SLC3A2: variants seen among roughly 807,000 people sequenced by gnomAD.
SLC3A2 encodes solute carrier family 3 member 2, also known as amino acid transporter heavy chain SLC3A2.
In SLC3A2, 32 loss-of-function variants were observed where a neutral mutation model predicts 48.5. The observed-to-expected ratio is 0.66, with a 90% CI of 0.50 to 0.89. The LOEUF (loss-of-function observed/expected upper bound fraction) is 0.89, where lower values mean the gene tolerates loss of function less well. Ranked by LOEUF, SLC3A2 falls within the 40% of genes least tolerant of loss-of-function variation. SLC3A2 has a pLI of 0.00. For missense variants in SLC3A2, 587 were observed against 680.7 expected, an observed-to-expected ratio of 0.86 and a Z score of 1.53; for synonymous variants, 277 against 288.8, an observed-to-expected ratio of 0.96 and a Z score of 0.41.
intron 1 of SLC3A2, among the ~76,000 whole-genome samples, chr11:62,862,783 G>A (rs915353758): frequency 6.6e-5 from 10 of 152,110 alleles, no homozygotes; most frequent in African/African-American, 2.4e-4. Flanking sequence ...TGCTCTTAGA[G>A]AGGTCTGGAG....
chr11:62,859,888 C>T (rs968592318), intron 1 of SLC3A2, among the ~76,000 whole-genome samples: 4 of 151,966 alleles, frequency 2.6e-5, no homozygotes, highest in Middle Eastern at 6.8e-3. Context: ...TCAGGTGGGA[C>T]GAGAGACTGA....
chr11:62,856,481 G>C (rs2085325133), intron 1 of SLC3A2: 1 of 1,059,614 alleles, frequency 9.4e-7, no homozygotes, highest in East Asian at 2.6e-5. Context: ...GACAGGATCT[G>C]ATTTTTTCCT....
Position 62,885,189 on chromosome 11 carries a change from G to T in SLC3A2, c.831G>T (p.Ala277=). ...CTCCCCTCTGCAGGCTCTTGATTGC[G>T]GGGACTAACTCCTCCGACCTTCAGC... ...KGFSEDRLLI[A]GTNSSDLQQI... The change falls in exon 6 of 9, where the codon GCG becomes GCT. Residue 277 remains alanine (A), a synonymous_variant. Coordinates refer to ENST00000338663, the MANE Select transcript of SLC3A2 (RefSeq NM_001013251.3). 1.2e-6 allele frequency: 2 copies of T among 1,613,918 alleles called. No individual in the cohort carries two copies. Among genetic ancestry groups the T allele is most frequent in the South Asian group, 1.1e-5 (1 of 91,052 alleles).
intron 1 of SLC3A2, among the ~76,000 whole-genome samples, chr11:62,864,586 C>A (rs1006235431): frequency 3.3e-5 from 5 of 151,410 alleles, no homozygotes; most frequent in African/African-American, 1.2e-4. Context: ...CCTGCCTCAG[C>A]CTTGCGAGTA....
In SLC3A2 at chr11:62,888,586, C is replaced by A; in HGVS notation, c.1483C>A (p.Leu495Met). 6.2e-7 allele frequency: 1 copy of A among 1,613,618 alleles called. No homozygotes were observed. ...SASLPAKADL[L>M]LSTQPGREEG... is the part of the protein sequence containing the mutation. Reference sequence around the variant, plus strand: ...CAGCCTGCCAGCCAAGGCTGACCTCCTGCTCAGCACCCAGCCAGGCCGTGA... The same window carrying A: ...CAGCCTGCCAGCCAAGGCTGACCTCATGCTCAGCACCCAGCCAGGCCGTGA... The change falls in exon 9 of 9, where the codon CTG becomes ATG. Residue 495 changes from leucine (L) to methionine (M), a missense_variant. Leu to Met is a conservative substitution (Grantham distance 15). Around this residue, in one of 3 missense-constraint regions of SLC3A2, gnomAD observed 169 missense variants for 204.4 expected, o/e 0.83. Transcript: ENST00000338663.
rs202167392 is a variant in SLC3A2 at position 62,888,354 on chromosome 11, C to T, written c.1251C>T (p.Ser417=). 4.3e-5 allele frequency: 69 copies of T among 1,613,984 alleles called. No individual in the cohort carries two copies. Among genetic ancestry groups the T allele is most frequent in the South Asian group, 2.2e-5 (2 of 91,084 alleles). ...AGGGCCAGAGTGAAGACCCTGGCTC[C>T]CTCCTTTCCTTGTTCCGGCGGCTGA... is the stretch of plus-strand genomic sequence containing the variant. ...TVKGQSEDPG[S]LLSLFRRLSD... The change falls in exon 9 of 9, where the codon TCC becomes TCT. Residue 417 remains serine, a synonymous_variant. Coordinates refer to ENST00000338663, the MANE Select transcript of SLC3A2 (RefSeq NM_001013251.3).
At chr11:62,878,859 C>T (rs572303680), upstream of SLC3A2, among the ~76,000 whole-genome samples, 1 of 151,870 alleles carries the variant, frequency 6.6e-6, no homozygotes, top group Non-Finnish European at 1.5e-5. Context: ...ACTGCAACCT[C>T]TGCCTCTCGG....
intron 1 of SLC3A2, among the ~76,000 whole-genome samples, chr11:62,871,214 C>T (rs1239801157): frequency 6.9e-6 from 1 of 144,410 alleles, no homozygotes; most frequent in Non-Finnish European, 1.5e-5. Flanking sequence ...TAGCAAATAA[C>T]ATGCCTGCTG....
chr11:62,867,234 C>T (rs773336391), intron 1 of SLC3A2, among the ~76,000 whole-genome samples: 10 of 151,910 alleles, frequency 6.6e-5, no homozygotes, highest in African/African-American at 1.7e-4. Context: ...TCAGGTGTTG[C>T]GCCCACCTCG....
In SLC3A2 at chr11:62,881,102, G is replaced by A; in HGVS notation, c.79G>A (p.Ala27Thr). 6.2e-7 allele frequency: 1 copy of A among 1,608,714 alleles called. No individual in the cohort carries two copies. Among genetic ancestry groups the A allele is most frequent in the South Asian group, 1.1e-5 (1 of 89,876 alleles). The change falls in exon 1 of 9, where the codon GCG becomes ACG. Residue 27 changes from alanine (A) to threonine (T), a missense_variant. Coordinates refer to ENST00000338663, the MANE Select transcript of SLC3A2 (RefSeq NM_001013251.3). The surrounding 1 kb of genome is among the most constrained non-coding windows in gnomAD (Gnocchi z 4.0). Reference protein sequence around the residue: ...LEPEKQPMNAASGAAMSLAGA... With the variant: ...LEPEKQPMNATSGAAMSLAGA... ...GCCCGAGAAGCAGCCGATGAACGCG[G>A]CGTCTGGGGCGGCCATGTCCCTGGC...
rs1416071750 is a variant in SLC3A2 at position 62,888,617 on chromosome 11, G to C, written c.1514G>C (p.Gly505Ala). Residue 505 changes from glycine (G) to alanine (A), a missense_variant, in exon 9 of 9, where the codon GGC (glycine) becomes GCC (alanine). Physicochemically the swap from Gly to Ala is moderately conservative, Grantham distance 60. Coordinates refer to ENST00000338663, the MANE Select transcript of SLC3A2 (RefSeq NM_001013251.3). ...LLSTQPGREEGSPLELERLKL... is the reference protein window; with the variant it reads ...LLSTQPGREEASPLELERLKL... ...AGCACCCAGCCAGGCCGTGAGGAGG[G>C]CTCCCCTCTTGAGCTGGAACGCCTG... 17 of 1,610,652 alleles carry C rather than the reference G, an allele frequency of 1.1e-5. No homozygotes were observed. The highest frequency in any genetic ancestry group is 1.4e-5 in the Non-Finnish European group (17 of 1,180,012).
At chr11:62,862,146 G>A (rs1425021182) in intron 1 of SLC3A2, among the ~76,000 whole-genome samples, 4 of 147,258 alleles carry the variant, frequency 2.7e-5, no homozygotes, top group African/African-American at 1.0e-4. Flanking sequence ...GTGAAATCCC[G>A]TCTCTACTAA....
upstream of SLC3A2, among the ~76,000 whole-genome samples, chr11:62,877,241 A>G (rs557828370): frequency 2.6e-4 from 39 of 151,908 alleles, no homozygotes; most frequent in Admixed American, 1.2e-3. Context: ...TTGTATTTTT[A>G]GTAGAGACAG....
At chr11:62,880,271 G>A (rs1233865591), upstream of SLC3A2, among the ~76,000 whole-genome samples, 1 of 152,216 alleles carries the variant, frequency 6.6e-6, no homozygotes, top group African/African-American at 2.4e-5. Context: ...ACAAAGCAAA[G>A]TATTGTAGTG....
chr11:62,881,625 A>T lies in SLC3A2; in HGVS notation c.424+178A>T. 6 of 1,015,864 alleles carry T rather than the reference A, an allele frequency of 5.9e-6. No individual in the cohort carries two copies. The South Asian group carries it at 8.6e-5, about 15-fold the overall frequency. 62.9% of individuals were successfully genotyped at this position (1,015,864 alleles called of 1,614,324 possible). A position where few individuals can be genotyped will look rare whatever the true frequency, so the allele number is the denominator to read the frequency against. On this transcript the variant is annotated intron_variant, in intron 1 of 8. Transcript: ENST00000338663. This position sits in a 1 kb window ranked among gnomAD's most constrained non-coding sequence, Gnocchi z 4.0. ...TTGTCCTTCCCTCCTTTCTTTGAAG[A>T]AAGCCGACCCGCCCCTCACTCCGTC... is the stretch of plus-strand genomic sequence containing the variant.
chr11:62,858,955 C>T (rs2085368497), intron 1 of SLC3A2, among the ~76,000 whole-genome samples: 1 of 152,106 alleles, frequency 6.6e-6, no homozygotes, highest in Non-Finnish European at 1.5e-5. Context: ...GGTTTTATAC[C>T]GAGACATTCC....
At chr11:62,861,132 G>C (rs1450110240) in intron 1 of SLC3A2, among the ~76,000 whole-genome samples, 2 of 151,980 alleles carry the variant, frequency 1.3e-5, no homozygotes, top group African/African-American at 2.4e-5. Context: ...TTGAGCCCAG[G>C]AGTTTGAGAC....
chr11:62,872,594 G>T (rs1295880008), intron 1 of SLC3A2, among the ~76,000 whole-genome samples: 2 of 152,172 alleles, frequency 1.3e-5, no homozygotes, highest in Non-Finnish European at 1.5e-5. Context: ...ACTTGGTGTT[G>T]AAATTAACCA....
At chr11:62,856,995 G>A (rs574658223) in intron 1 of SLC3A2, among the ~76,000 whole-genome samples, 112 of 151,062 alleles carry the variant, frequency 7.4e-4, no homozygotes, top group African/African-American at 2.6e-3. Flanking sequence ...GGCTAATTTT[G>A]TATTTTTAGT....
Sources: allele counts gnomAD v4.1 joint callset (sites outside exome capture counted in the v4.1 genomes callset), GRCh38; gene constraint gnomAD v4.1.1; regional missense constraint gnomAD v4.1.1; non-coding constraint Gnocchi (gnomAD v3.1); transcripts MANE v1.5; gene names NCBI Gene and HGNC (gene_info 2026-07-23, HGNC 2026-07-21).